The following TNIP1 variants were observed in gnomAD, a reference collection of about 807,000 sequenced individuals.
The protein encoded by TNIP1 is TNFAIP3 interacting protein 1, also known as TNFAIP3-interacting protein 1.
In TNIP1, 22 loss-of-function variants were observed where a neutral mutation model predicts 86.6. The ratio of observed to expected loss-of-function variants is 0.25; its 90% CI spans 0.18 to 0.36. The LOEUF is 0.36. Ranked by LOEUF, TNIP1 falls within the 10% of genes least tolerant of loss-of-function variation. The pLI, the probability that TNIP1 is intolerant of heterozygous loss-of-function variation, is 1.00. For synonymous variants in TNIP1, 294 were observed against 313.0 expected (o/e 0.94, Z 0.64); for missense variants, 709 against 820.6 (o/e 0.86, Z 1.66).
intron 6 of TNIP1, among the ~76,000 whole-genome samples, chr5:151,055,225 TAAG>T (rs1461211685): frequency 6.6e-6 from 1 of 150,666 alleles, no homozygotes; most frequent in Non-Finnish European, 1.5e-5. Context: ...GCAGAGAGTA[TAAG>T]AAAAAAAAGA....
intron 4 of TNIP1, among the ~76,000 whole-genome samples, chr5:151,061,468 C>T (rs76392995): frequency 9.3e-5 from 14 of 150,092 alleles, no homozygotes; most frequent in Non-Finnish European, 5.9e-5. Context: ...ACTTCTCCAG[C>T]CAAATCTGTA....
chr5:151,066,567 G>A (rs1762259709), intron 1 of TNIP1, among the ~76,000 whole-genome samples: 1 of 152,244 alleles, frequency 6.6e-6, no homozygotes, highest in Non-Finnish European at 1.5e-5. Flanking sequence ...TGAAAGATCA[G>A]AGTGAGAAAG....
chr5:151,084,072 T>C (rs575041727), upstream of TNIP1, among the ~76,000 whole-genome samples: 73 of 152,208 alleles, frequency 4.8e-4, no homozygotes, highest in Non-Finnish European at 8.5e-4. Flanking sequence ...CTTAACACTC[T>C]TAAGCATCAT....
At chr5:151,033,866 C>T in intron 15 of TNIP1, 67 bp from the exon 16 acceptor site, 1 of 1,321,824 alleles carries the variant, frequency 7.6e-7, no homozygotes, top group Non-Finnish European at 9.9e-7. Context: ...TCTCATCACC[C>T]TCTAAATAGA....
chr5:151,077,208 T>C (rs1763490381), intron 1 of TNIP1, among the ~76,000 whole-genome samples: 1 of 152,156 alleles, frequency 6.6e-6, no homozygotes, highest in African/African-American at 2.4e-5. Context: ...CTTTTATAAC[T>C]AACCTCCCGT....
chr5:151,064,997 G>A lies in TNIP1; in HGVS notation c.99C>T (p.Ser33=). The change falls in exon 2 of 18, where the codon TCC becomes TCT. Residue 33 remains serine (S), a synonymous_variant. Transcript: ENST00000521591. ...AAFERLVKEN[S]RLKEKMQGIK... Reference sequence around the variant, plus strand: ...TCCCTTGCATTTTTTCCTTCAGCCGGGAATTCTCCTTCACTAGGCGCTCAA... The same window carrying A: ...TCCCTTGCATTTTTTCCTTCAGCCGAGAATTCTCCTTCACTAGGCGCTCAA... 6.2e-7 allele frequency: 1 copy of A among 1,614,180 alleles called. No homozygotes were observed. The highest frequency in any genetic ancestry group is 8.5e-7 in the Non-Finnish European group (1 of 1,180,028).
intron 4 of TNIP1, 40 bp from the exon 5 acceptor site, chr5:151,060,435 C>T (rs746363095): frequency 6.3e-7 from 1 of 1,595,162 alleles, no homozygotes; most frequent in African/African-American, 1.3e-5. Context: ...GAGAGAAAAA[C>T]AGCTCACCCC....
At chr5:151,033,266 C>T (rs1470421136) in intron 16 of TNIP1, among the ~76,000 whole-genome samples, 1 of 151,756 alleles carries the variant, frequency 6.6e-6, no homozygotes, top group African/African-American at 2.4e-5. Flanking sequence ...GCTCTGGAAC[C>T]TAGTTACACG....
At chr5:151,065,818 A>G (rs1485443660) in intron 1 of TNIP1, among the ~76,000 whole-genome samples, 1 of 152,180 alleles carries the variant, frequency 6.6e-6, no homozygotes, top group Non-Finnish European at 1.5e-5. Context: ...CTCATATCAT[A>G]TATGGTCTGT....
upstream of TNIP1, among the ~76,000 whole-genome samples, chr5:151,081,871 T>C (rs753559812): frequency 5.7e-4 from 87 of 152,292 alleles, no homozygotes; most frequent in Non-Finnish European, 1.2e-3. Flanking sequence ...GCTTTAAGGG[T>C]AGGAAAGCTT....
chr5:151,045,653 C>G (rs908410734), intron 9 of TNIP1, among the ~76,000 whole-genome samples: 2 of 152,152 alleles, frequency 1.3e-5, no homozygotes, highest in Admixed American at 6.5e-5. Context: ...CTCAGAGTGA[C>G]CACTGTAGGC....
At chr5:151,063,085 C>T (rs1435428415) in intron 3 of TNIP1, among the ~76,000 whole-genome samples, 1 of 152,234 alleles carries the variant, frequency 6.6e-6, no homozygotes, top group African/African-American at 2.4e-5. Flanking sequence ...CACAGTCACC[C>T]TGTCCTTTAA....
rs759348447 is a variant in TNIP1 at position 151,065,040 on chromosome 5, C to T, written c.56G>A (p.Gly19Glu). 2 of 1,614,100 alleles carry T rather than the reference C, an allele frequency of 1.2e-6. No individual in the cohort carries two copies. Among genetic ancestry groups the T allele is most frequent in the African/African-American group, 1.3e-5 (1 of 74,952 alleles). ...GCGCTCAAAAGCTGCGGATGCCTCT[C>T]CTGAGGGCACGCTGCCCCCAGGGTC... The part of the protein sequence containing the change: ...IYDPGGSVPS[G>E]EASAAFERLV... The change falls in exon 2 of 18, where the codon GGA becomes GAA. Residue 19 changes from glycine (G) to glutamate (E), a missense_variant. Coordinates refer to ENST00000521591, the MANE Select transcript of TNIP1 (RefSeq NM_006058.5).
chr5:151,036,526 A>G (rs2113308503), intron 13 of TNIP1, among the ~76,000 whole-genome samples: 1 of 152,336 alleles, frequency 6.6e-6, no homozygotes, highest in South Asian at 2.1e-4. Flanking sequence ...TCATTTATTT[A>G]GAATTTATTT....
At chr5:151,081,046 G>C (rs575815667), upstream of TNIP1, 3 of 152,108 alleles carry the variant, frequency 2.0e-5, no homozygotes, top group East Asian at 2.0e-4. Flanking sequence ...CCGGGGGCCT[G>C]GCCGGGCCGC....
intron 3 of TNIP1, among the ~76,000 whole-genome samples, chr5:151,062,539 C>T (rs144530526): frequency 1.9e-3 from 296 of 152,244 alleles, no homozygotes; most frequent in Non-Finnish European, 3.1e-3. Flanking sequence ...ATCTATTATC[C>T]CAGCCATTCT....
intron 1 of TNIP1, among the ~76,000 whole-genome samples, chr5:151,077,252 T>C (rs964323567): frequency 1.3e-5 from 2 of 152,194 alleles, no homozygotes; most frequent in African/African-American, 2.4e-5. Context: ...TTAATCTATT[T>C]ATGAGGGCAG....
intron 8 of TNIP1, among the ~76,000 whole-genome samples, chr5:151,049,524 G>T (rs973823555): frequency 5.9e-5 from 9 of 152,262 alleles, no homozygotes; most frequent in African/African-American, 2.2e-4. Flanking sequence ...ATGTGTTTAC[G>T]GAATGCACCC....
intron 1 of TNIP1, among the ~76,000 whole-genome samples, chr5:151,079,593 G>A (rs1439010193): frequency 6.7e-6 from 1 of 149,510 alleles, no homozygotes; most frequent in Non-Finnish European, 1.5e-5. Context: ...CTGCACTCCA[G>A]CCTGGGTAAC....
Sources: gnomAD v4.1 joint callset for allele counts (sites outside exome capture counted in the v4.1 genomes callset) on GRCh38, gnomAD v4.1.1 for gene constraint, MANE v1.5 for transcripts, NCBI Gene and HGNC (gene_info 2026-07-23, HGNC 2026-07-21) for gene names.